The following IFT57 variants were observed in gnomAD, a reference collection of about 807,000 sequenced individuals.
The protein encoded by IFT57 is intraflagellar transport protein 57 homolog.
A neutral mutation model predicts 56.8 loss-of-function variants in IFT57; 59 were observed. The ratio of observed to expected loss-of-function variants is 1.04; its 90% CI spans 0.84 to 1.29. IFT57 has a LOEUF of 1.29. Ranked by LOEUF, IFT57 falls within the 50% of genes most tolerant of loss-of-function variation. The pLI is 0.00. For synonymous variants in IFT57, 209 were observed against 186.1 expected (o/e 1.12, Z -1.00); for missense variants, 470 against 522.1 (o/e 0.90, Z 0.97).
Position 108,161,256 on chromosome 3 carries a change from T to C in IFT57, c.*1221A>G, listed in dbSNP as rs2080030251. 1.3e-5 allele frequency: 2 copies of C among 151,812 alleles called. No individual in the cohort carries two copies. Among genetic ancestry groups the C allele is most frequent in the Admixed American group, 1.3e-4 (2 of 15,224 alleles). 9.4% of individuals were successfully genotyped at this position (151,812 alleles called of 1,614,324 possible). A position where few individuals can be genotyped will look rare whatever the true frequency, so the allele number is the denominator to read the frequency against. On this transcript the variant is annotated 3_prime_UTR_variant, in exon 11 of 11. Transcript: ENST00000264538. ...TTTAAACAAATTAAATAAACTGGCA[T>C]ATTTGTCATTGTATTGATTGTCATC...
At chr3:108,171,082 G>C (rs964612730) in intron 6 of IFT57, among the ~76,000 whole-genome samples, 2 of 151,842 alleles carry the variant, frequency 1.3e-5, no homozygotes, top group African/African-American at 4.8e-5. Flanking sequence ...GTGAGTAAAA[G>C]GATATTTTGT....
At chr3:108,163,039 C>T (rs1370464182) in intron 10 of IFT57, among the ~76,000 whole-genome samples, 1 of 151,732 alleles carries the variant, frequency 6.6e-6, no homozygotes, top group Non-Finnish European at 1.5e-5. Flanking sequence ...CCACTTAAAA[C>T]ATATTGCAAA....
intron 6 of IFT57, among the ~76,000 whole-genome samples, chr3:108,169,807 A>C (rs937369262): frequency 3.3e-5 from 5 of 152,034 alleles, no homozygotes; most frequent in Admixed American, 1.3e-4. Context: ...CACCATGATC[A>C]AGTCAGTTTC....
At chr3:108,191,712 A>G (rs547568055) in intron 5 of IFT57, 69 bp from the exon 6 acceptor site, 52 of 1,104,524 alleles carry the variant, frequency 4.7e-5, no homozygotes, top group Non-Finnish European at 6.4e-5. Context: ...GAGGCATTTT[A>G]GCAGTACTGC....
At chr3:108,183,688 G>A (rs893338864) in intron 6 of IFT57, among the ~76,000 whole-genome samples, 7 of 152,082 alleles carry the variant, frequency 4.6e-5, no homozygotes, top group African/African-American at 1.7e-4. Context: ...AGTAAGCTTT[G>A]AATAAATAGC....
chr3:108,208,615 A>C (rs1401044248), intron 4 of IFT57, among the ~76,000 whole-genome samples: 2 of 152,184 alleles, frequency 1.3e-5, no homozygotes, highest in Non-Finnish European at 2.9e-5. Flanking sequence ...CTAGTAGCCC[A>C]CTAGCAAAAT....
At chr3:108,217,060 CAAT>C (rs1465823263) in intron 3 of IFT57, among the ~76,000 whole-genome samples, 1 of 151,946 alleles carries the variant, frequency 6.6e-6, no homozygotes, top group African/African-American at 2.4e-5. Context: ...TATTAATTAA[CAAT>C]AATATATATT....
intron 6 of IFT57, among the ~76,000 whole-genome samples, chr3:108,169,572 C>T (rs946459833): frequency 6.6e-6 from 1 of 151,952 alleles, no homozygotes; most frequent in Non-Finnish European, 1.5e-5. Context: ...TGCCTATATC[C>T]TGAATGGTAT....
At position 108,222,179 on chromosome 3, in the gene IFT57, C is replaced by T. The variant is rs766019601; in HGVS notation, c.144G>A (p.Val48=). The change falls in exon 1 of 11, where the codon GTG becomes GTA. Residue 48 remains valine, a synonymous_variant. Coordinates refer to ENST00000264538, the MANE Select transcript of IFT57 (RefSeq NM_018010.4). The part of the protein sequence containing the change: ...YHMFVVMEDL[V]EKLKLLRYEE... ...CGTAGCGGAGCAGCTTCAGCTTCTC[C>T]ACCAAGTCCTCCATCACCACGAACA... The T allele has an allele frequency of 4.3e-6, 7 of 1,613,976 alleles. No individual in the cohort carries two copies. In the African/African-American group the frequency reaches 8.0e-5, roughly 18 times the overall value.
At chr3:108,219,893 T>G (rs1218239117) in intron 1 of IFT57, among the ~76,000 whole-genome samples, 1 of 152,248 alleles carries the variant, frequency 6.6e-6, no homozygotes, top group Admixed American at 6.5e-5. Flanking sequence ...AGTAATAATA[T>G]GTAAGTACCT....
intron 5 of IFT57, among the ~76,000 whole-genome samples, chr3:108,205,791 T>G (rs2080306147): frequency 7.3e-6 from 1 of 137,076 alleles, no homozygotes; most frequent in Non-Finnish European, 1.5e-5. Flanking sequence ...ACATATTATA[T>G]AATATACAAA....
chr3:108,220,626 A>T (rs1298672673), intron 1 of IFT57, among the ~76,000 whole-genome samples: 1 of 152,228 alleles, frequency 6.6e-6, no homozygotes, highest in Admixed American at 6.5e-5. Context: ...GGGCAGAGGA[A>T]TGAACACCAA....
intron 6 of IFT57, among the ~76,000 whole-genome samples, chr3:108,185,246 G>C (rs996626160): frequency 6.6e-6 from 1 of 152,062 alleles, no homozygotes; most frequent in Non-Finnish European, 1.5e-5. Context: ...AAAAAATGAA[G>C]ATATAATACG....
chr3:108,197,396 G>C (rs922217143), intron 5 of IFT57, among the ~76,000 whole-genome samples: 1 of 152,144 alleles, frequency 6.6e-6, no homozygotes, highest in African/African-American at 2.4e-5. Flanking sequence ...GATGGGAACT[G>C]ATCCTAACTG....
chr3:108,217,077 A>G (rs995587846), intron 3 of IFT57, among the ~76,000 whole-genome samples: 7 of 152,164 alleles, frequency 4.6e-5, no homozygotes, highest in Non-Finnish European at 1.0e-4. Context: ...ATATATTTGA[A>G]AATAGCTCAT....
chr3:108,186,666 T>C (rs763366079), intron 6 of IFT57, among the ~76,000 whole-genome samples: 1 of 152,072 alleles, frequency 6.6e-6, no homozygotes, highest in Non-Finnish European at 1.5e-5. Flanking sequence ...AGCCAGAAAT[T>C]AGAATGCATT....
intron 1 of IFT57, among the ~76,000 whole-genome samples, chr3:108,220,461 T>A (rs1347235747): frequency 6.6e-6 from 1 of 152,212 alleles, no homozygotes; most frequent in Non-Finnish European, 1.5e-5. Context: ...TTTCCCAAAC[T>A]TTTTCCTGCA....
chr3:108,206,285 C>T (rs2080313704), intron 5 of IFT57, among the ~76,000 whole-genome samples: 1 of 150,830 alleles, frequency 6.6e-6, no homozygotes. Flanking sequence ...TTCCTATAAT[C>T]AAGATCATTA....
intron 4 of IFT57, among the ~76,000 whole-genome samples, chr3:108,211,999 T>C (rs1023519157): frequency 1.3e-5 from 2 of 152,186 alleles, no homozygotes; most frequent in African/African-American, 4.8e-5. Flanking sequence ...ACATTTTTTG[T>C]AGAGACAGGG....
Sources: gnomAD v4.1 joint callset for allele counts (sites outside exome capture counted in the v4.1 genomes callset) on GRCh38, gnomAD v4.1.1 for gene constraint, MANE v1.5 for transcripts, NCBI Gene and HGNC (gene_info 2026-07-23, HGNC 2026-07-21) for gene names.